ADGRG4: variants seen among roughly 807,000 people sequenced by gnomAD.
ADGRG4 encodes G protein-coupled receptor 112.
Under a neutral mutation model 126.2 loss-of-function variants are expected in ADGRG4, and 122 were observed. The observed-to-expected ratio is 0.97, with a 90% confidence interval of 0.83 to 1.12. The LOEUF (loss-of-function observed/expected upper bound fraction) is 1.12, where lower values mean the gene tolerates loss of function less well. ADGRG4 is among the 50% of genes most tolerant of loss of function. The probability of loss-of-function intolerance (pLI) is 0.00; values close to 1 mark genes in which losing one functional copy is unlikely to be tolerated. For missense variants in ADGRG4, 2,481 were observed against 2,251.8 expected (o/e 1.10, Z -2.06); for synonymous variants, 943 against 838.7 (o/e 1.12, Z -2.15).
In ADGRG4 at chrX:136,350,407, C is replaced by T; in HGVS notation, c.6701C>T (p.Thr2234Ile). ...TCCTTTCTATCTACGGAAGCATCGA[C>T]TTCGCCTACTGCCACCAAGTCCACA... ...TPSFLSTEAS[T>I]SPTATKSTVS... is the part of the protein sequence containing the mutation. Residue 2234 changes from threonine to isoleucine, a missense_variant, in exon 6 of 26, where the codon ACT (threonine) becomes ATT (isoleucine). Physicochemically the swap from Thr to Ile is moderately conservative, Grantham distance 89 (BLOSUM62 -1). Coordinates refer to ENST00000394143, the MANE Select transcript of ADGRG4 (RefSeq NM_153834.4). 8.3e-7 allele frequency: 1 copy of T among 1,206,780 alleles called. No individual in the cohort carries two copies.
intron 4 of ADGRG4, among the ~76,000 whole-genome samples, chrX:136,320,205 A>T (rs1426625838): frequency 8.9e-6 from 1 of 112,167 alleles, no homozygotes; most frequent in Non-Finnish European, 1.9e-5. Context: ...CAGGTTCGTC[A>T]ATTGTTCTTG....
chrX:136,405,628 C>CA (rs2075401571), intron 22 of ADGRG4, 64 bp from the exon 23 acceptor site: 1 of 875,053 alleles, frequency 1.1e-6, no homozygotes. Context: ...AGATGATCTT[C>CA]AGTCTCTGAG....
chrX:136,394,705 C>A (rs1351085645), intron 18 of ADGRG4, among the ~76,000 whole-genome samples: 1 of 112,312 alleles, frequency 8.9e-6, no homozygotes, highest in African/African-American at 3.2e-5. Context: ...CCTCTGGAAT[C>A]TATGGCATTA....
chrX:136,315,017 T>C (rs1161277528), intron 4 of ADGRG4, among the ~76,000 whole-genome samples: 1 of 111,035 alleles, frequency 9.0e-6, no homozygotes, highest in African/African-American at 3.3e-5. Flanking sequence ...ACAAATGGAG[T>C]CAGCAGCCTA....
At chrX:136,330,869 A>T (rs2074905376) in intron 5 of ADGRG4, among the ~76,000 whole-genome samples, 1 of 111,307 alleles carries the variant, frequency 9.0e-6, no homozygotes, top group Non-Finnish European at 1.9e-5. Flanking sequence ...TTAAATGAAC[A>T]ATTAAGTTAT....
chrX:136,403,253 C>T lies in ADGRG4; in HGVS notation c.8585C>T (p.Ala2862Val). 8.3e-7 allele frequency: 1 copy of T among 1,210,150 alleles called. No individual in the cohort carries two copies. Among genetic ancestry groups the T allele is most frequent in the Non-Finnish European group, 1.1e-6 (1 of 893,941 alleles). Residue 2862 changes from alanine to valine, a missense_variant, in exon 22 of 26, where the codon GCT becomes GTT. Coordinates refer to ENST00000394143, the MANE Select transcript of ADGRG4 (RefSeq NM_153834.4). ...KFCLVGWGIP[A>V]IMVAITVSVK... ...TGCTTTCCCACTGCAGGAATCCCGG[C>T]TATCATGGTGGCAATCACAGTCAGT...
chrX:136,332,021 A>G (rs2148456794), intron 5 of ADGRG4, among the ~76,000 whole-genome samples: 1 of 108,376 alleles, frequency 9.2e-6, no homozygotes, highest in South Asian at 4.2e-4. Context: ...TTTTTTTATT[A>G]TACTTTAAGT....
At chrX:136,413,530 C>A (rs910062822) in intron 24 of ADGRG4, among the ~76,000 whole-genome samples, 1 of 110,950 alleles carries the variant, frequency 9.0e-6, no homozygotes, top group Non-Finnish European at 1.9e-5. Context: ...AAACAAACAA[C>A]CCCATTCCCC....
Position 136,346,311 on chromosome X carries a change from G to T in ADGRG4, c.2605G>T (p.Glu869Ter). The T allele has an allele frequency of 8.3e-7, 1 of 1,210,844 alleles. No individual in the cohort carries two copies. Among genetic ancestry groups the T allele is most frequent in the Non-Finnish European group, 1.1e-6 (1 of 894,920 alleles). Residue 869 changes from glutamate (E) to a stop codon, truncating the protein, a stop_gained, in exon 6 of 26, where the codon GAA (glutamate) becomes TAA (stop). Transcript: ENST00000394143. LOFTEE classifies it high-confidence loss of function. ...AEVSPFSTML[E>*]VTDESAQRVT... is the part of the protein sequence containing the mutation. ...GGTTTCTCCATTTTCAACAATGCTG[G>T]AAGTGACAGACGAATCAGCACAAAG...
intron 15 of ADGRG4, among the ~76,000 whole-genome samples, chrX:136,375,575 A>G (rs1411646321): frequency 8.9e-6 from 1 of 112,111 alleles, no homozygotes; most frequent in Non-Finnish European, 1.9e-5. Context: ...AATTATGGCC[A>G]TTCTTGCAGG....
At chrX:136,352,874 T>A (rs1487734041) in intron 7 of ADGRG4, among the ~76,000 whole-genome samples, 1 of 112,003 alleles carries the variant, frequency 8.9e-6, no homozygotes, top group Non-Finnish European at 1.9e-5. Context: ...TTTCTCACAG[T>A]TCTGGAATCT....
rs1008700725 is a variant in ADGRG4 at position 136,412,380 on chromosome X, T to C, written c.9037+14T>C. On this transcript the variant is annotated intron_variant, in intron 24 of 25. Transcript: ENST00000394143. ...ATAACTCTTCTGGTAAGATGTCAGT[T>C]TGGATGAAGTTTTGAATATTACATG... The C allele has an allele frequency of 4.8e-6, 5 of 1,040,013 alleles. No individual in the cohort carries two copies. Among genetic ancestry groups the C allele is most frequent in the African/African-American group, 3.7e-5 (2 of 54,101 alleles). The allele number at this position is 1,040,013 out of a possible 1,213,427, so 85.7% of individuals were successfully genotyped here. A position where few individuals can be genotyped will look rare whatever the true frequency, so the allele number is the denominator to read the frequency against.
At chrX:136,372,403 C>T (rs1361250717) in intron 14 of ADGRG4, among the ~76,000 whole-genome samples, 1 of 111,638 alleles carries the variant, frequency 9.0e-6, no homozygotes, top group Non-Finnish European at 1.9e-5. Context: ...CCTAAATGGT[C>T]TCTCTGCCTC....
chrX:136,316,975 T>C (rs1030933301), intron 4 of ADGRG4, among the ~76,000 whole-genome samples: 1 of 111,001 alleles, frequency 9.0e-6, no homozygotes, highest in African/African-American at 3.3e-5. Flanking sequence ...GCCCACCCAT[T>C]AGCCTCCAAC....
intron 1 of ADGRG4, among the ~76,000 whole-genome samples, chrX:136,302,621 T>C (rs1483860601): frequency 8.9e-6 from 1 of 111,854 alleles, no homozygotes; most frequent in Non-Finnish European, 1.9e-5. Flanking sequence ...TGAGGGGAGA[T>C]AGAGTTATCT....
At chrX:136,370,136 G>C (rs943042397) in intron 13 of ADGRG4, among the ~76,000 whole-genome samples, 1 of 111,539 alleles carries the variant, frequency 9.0e-6, no homozygotes, top group African/African-American at 3.3e-5. Flanking sequence ...AATACAGACA[G>C]AGAGAGAGGG....
rs773356330 is a variant in ADGRG4, at chrX:136,350,427, T to G, written c.6721T>G (p.Ser2241Ala). ...ATCGACTTCGCCTACTGCCACCAAGTCCACAGGTACTGCTCCATAATGCAT... is the reference window on the plus strand; with the variant it reads ...ATCGACTTCGCCTACTGCCACCAAGGCCACAGGTACTGCTCCATAATGCAT... ...EASTSPTATKSTVSFYNVEMS... is the reference protein window; with the variant it reads ...EASTSPTATKATVSFYNVEMS... Residue 2241 changes from serine (S) to alanine (A), a missense_variant, in exon 6 of 26, where the codon TCC (serine) becomes GCC (alanine). Transcript: ENST00000394143. 5 of 1,202,188 alleles carry G rather than the reference T, an allele frequency of 4.2e-6. No homozygotes were observed. The Admixed American group carries it at 6.6e-5, about 16-fold the overall frequency.
chrX:136,412,361 C>G lies in ADGRG4; in HGVS notation c.9032C>G (p.Ser3011Cys). 5.3e-6 allele frequency: 6 copies of G among 1,136,898 alleles called. No homozygotes were observed. The highest frequency in any genetic ancestry group is 7.3e-6 in the Non-Finnish European group (6 of 827,032). 93.7% of individuals were successfully genotyped at this position (1,136,898 alleles called of 1,213,427 possible). ...LCCGWLRLDNSSDGSSRCQIK... is the reference protein window; with the variant it reads ...LCCGWLRLDNCSDGSSRCQIK... ...TGTGGGTGGTTGCGATTGGATAACT[C>G]TTCTGGTAAGATGTCAGTTTGGATG... is the stretch of plus-strand genomic sequence containing the variant. Residue 3011 changes from serine (S) to cysteine (C), a missense_variant, in exon 24 of 26, where the codon TCT (serine) becomes TGT (cysteine). Transcript: ENST00000394143.
chrX:136,328,928 T>C (rs1220220235), intron 5 of ADGRG4, among the ~76,000 whole-genome samples: 1 of 111,717 alleles, frequency 9.0e-6, no homozygotes, highest in Non-Finnish European at 1.9e-5. Context: ...ATTTGTATTC[T>C]CCTTCACAGG....
Sources: gnomAD v4.1 joint callset for allele counts (sites outside exome capture counted in the v4.1 genomes callset) on GRCh38, gnomAD v4.1.1 for gene constraint, MANE v1.5 for transcripts, NCBI Gene and HGNC (gene_info 2026-07-23, HGNC 2026-07-21) for gene names.